DLG2: variants seen among roughly 807,000 people sequenced by gnomAD.
DLG2 encodes the protein disks large homolog 2.
In DLG2, 45 loss-of-function variants were observed where a neutral mutation model predicts 132.5. That is an observed-to-expected ratio of 0.34 (90% CI 0.27 to 0.44). DLG2 has a LOEUF of 0.44. DLG2 is among the 20% of genes least tolerant of loss of function. DLG2 has a pLI of 1.00. For missense variants in DLG2, 1,045 were observed against 1,196.9 expected, an observed-to-expected ratio of 0.87 and a Z score of 1.87; for synonymous variants, 424 against 419.6, an observed-to-expected ratio of 1.01 and a Z score of -0.13.
chr11:84,430,119 A>G (rs1443014844), intron 7 of DLG2, among the ~76,000 whole-genome samples: 2 of 152,146 alleles, frequency 1.3e-5, no homozygotes, highest in African/African-American at 4.8e-5. Flanking sequence ...ATCCCATAAC[A>G]TCTTATACCT....
chr11:85,180,189 T>G (rs1285697988), intron 4 of DLG2, among the ~76,000 whole-genome samples: 1 of 151,934 alleles, frequency 6.6e-6, no homozygotes, highest in Non-Finnish European at 1.5e-5. Context: ...ATCCAAAGTT[T>G]GATTAAACAC....
intron 11 of DLG2, among the ~76,000 whole-genome samples, chr11:84,013,417 T>A (rs926934620): frequency 6.6e-6 from 1 of 152,156 alleles, no homozygotes; most frequent in Admixed American, 6.5e-5. Flanking sequence ...AATAAATAAC[T>A]GCAGCATCAG....
chr11:84,003,420 A>G (rs2094444203), intron 11 of DLG2, among the ~76,000 whole-genome samples: 1 of 152,154 alleles, frequency 6.6e-6, no homozygotes, highest in Admixed American at 6.6e-5. Flanking sequence ...ATACTGCTAT[A>G]AAGAACTGTC....
intron 18 of DLG2, among the ~76,000 whole-genome samples, chr11:83,753,985 G>C (rs1367216071): frequency 6.8e-6 from 1 of 146,834 alleles, no homozygotes; most frequent in Non-Finnish European, 1.5e-5. Flanking sequence ...AGAGAAAAAA[G>C]GCAGTAATAC....
intron 19 of DLG2, among the ~76,000 whole-genome samples, chr11:83,608,342 T>A (rs966927160): frequency 1.7e-4 from 26 of 151,916 alleles, no homozygotes; most frequent in African/African-American, 5.8e-4. Flanking sequence ...GCCAGTAATG[T>A]TTTAGATTTC....
intron 17 of DLG2, among the ~76,000 whole-genome samples, chr11:83,832,743 A>T (rs1429694447): frequency 1.3e-5 from 2 of 152,172 alleles, no homozygotes; most frequent in African/African-American, 4.8e-5. Flanking sequence ...TGTACCGCCA[A>T]ATCTAAAATA....
At chr11:84,765,262 T>C (rs556799613) in intron 6 of DLG2, among the ~76,000 whole-genome samples, 1 of 152,192 alleles carries the variant, frequency 6.6e-6, no homozygotes, top group African/African-American at 2.4e-5. Context: ...ATAGTCCCTG[T>C]TTCTACACCT....
chr11:85,299,165 A>C (rs1015055847), intron 3 of DLG2, among the ~76,000 whole-genome samples: 2 of 152,106 alleles, frequency 1.3e-5, no homozygotes, highest in African/African-American at 4.8e-5. Context: ...TATTCCCAAT[A>C]CTCCTATGAG....
chr11:83,525,959 G>A (rs1027126686), intron 21 of DLG2, among the ~76,000 whole-genome samples: 6 of 137,934 alleles, frequency 4.3e-5, no homozygotes, highest in Non-Finnish European at 6.4e-5. Flanking sequence ...CCAGCTCTTT[G>A]TGTGTCCTAG....
chr11:84,416,880 T>A (rs2098931619), intron 7 of DLG2, among the ~76,000 whole-genome samples: 1 of 152,212 alleles, frequency 6.6e-6, no homozygotes, highest in Non-Finnish European at 1.5e-5. Flanking sequence ...GGAATGAAAC[T>A]AATAAAATAA....
At chr11:85,548,465 G>A (rs1332234279) in intron 3 of DLG2, among the ~76,000 whole-genome samples, 1 of 152,224 alleles carries the variant, frequency 6.6e-6, no homozygotes, top group Non-Finnish European at 1.5e-5. Flanking sequence ...ATACACGGGG[G>A]TCAGGGACCC....
chr11:84,239,584 G>A (rs2097200883), intron 8 of DLG2, among the ~76,000 whole-genome samples: 2 of 152,142 alleles, frequency 1.3e-5, no homozygotes, highest in Admixed American at 1.3e-4. Flanking sequence ...ATTTAGGACT[G>A]CAACAATGGC....
chr11:84,523,308 T>C (rs1401986253), intron 7 of DLG2, among the ~76,000 whole-genome samples: 6 of 152,222 alleles, frequency 3.9e-5, no homozygotes, highest in Non-Finnish European at 7.3e-5. Flanking sequence ...CATACTATTA[T>C]TTCCAAGAGG....
intron 7 of DLG2, among the ~76,000 whole-genome samples, chr11:84,319,091 T>C (rs1567279389): frequency 6.6e-6 from 1 of 152,226 alleles, no homozygotes; most frequent in Admixed American, 6.5e-5. Flanking sequence ...CTTGAACTGT[T>C]GGGCAGAAAT....
At chr11:83,756,362 T>G (rs1413176673) in intron 18 of DLG2, among the ~76,000 whole-genome samples, 3 of 151,476 alleles carry the variant, frequency 2.0e-5, no homozygotes, top group Non-Finnish European at 2.9e-5. Context: ...GATATAAGAT[T>G]GCCAAATGCA....
At chr11:84,727,351 A>G (rs1171221503) in intron 6 of DLG2, among the ~76,000 whole-genome samples, 2 of 152,162 alleles carry the variant, frequency 1.3e-5, no homozygotes. Flanking sequence ...TTAAATAGGG[A>G]ATCTTTTTCC....
At chr11:85,470,129 C>T (rs910445302) in intron 3 of DLG2, among the ~76,000 whole-genome samples, 3 of 151,062 alleles carry the variant, frequency 2.0e-5, no homozygotes, top group Non-Finnish European at 4.4e-5. Context: ...ATATTTTCTC[C>T]CTAGATACCA....
chr11:85,373,419 G>A (rs139943114), intron 3 of DLG2, among the ~76,000 whole-genome samples: 98 of 152,222 alleles, frequency 6.4e-4, no homozygotes, highest in African/African-American at 2.2e-3. Context: ...CCAAAACAGC[G>A]GCCCATGTCA....
At chr11:84,360,154 A>C (rs2098641273) in intron 7 of DLG2, among the ~76,000 whole-genome samples, 2 of 151,928 alleles carry the variant, frequency 1.3e-5, no homozygotes, top group Non-Finnish European at 1.5e-5. Flanking sequence ...AGGGACAAAT[A>C]CTAGGAAAAT....
Sources: gnomAD v4.1 joint callset for allele counts (sites outside exome capture counted in the v4.1 genomes callset) on GRCh38, gnomAD v4.1.1 for gene constraint, MANE v1.5 for transcripts, NCBI Gene and HGNC (gene_info 2026-07-23, HGNC 2026-07-21) for gene names.